MYO5A: variants seen among roughly 807,000 people sequenced by gnomAD.
MYO5A encodes the protein unconventional myosin-Va.
A neutral mutation model predicts 249.7 loss-of-function variants in MYO5A; 98 were observed. That is an observed-to-expected ratio of 0.39 (90% CI 0.33 to 0.46). The LOEUF is 0.46. Among genes scored for constraint, MYO5A ranks in the 20% least tolerant of loss-of-function variants. The pLI is 0.98. For missense variants in MYO5A, 1,696 were observed against 2,308.8 expected (o/e 0.73, Z 5.44); for synonymous variants, 778 against 810.6 (o/e 0.96, Z 0.68).
intron 4 of MYO5A, among the ~76,000 whole-genome samples, chr15:52,416,976 T>C (rs1462793304): frequency 1.3e-5 from 2 of 152,268 alleles, no homozygotes; most frequent in Admixed American, 1.3e-4. Context: ...CCTGTTCCAC[T>C]GCCCACTTGG....
At chr15:52,369,892 T>TA (rs2041015135) in intron 22 of MYO5A, among the ~76,000 whole-genome samples, 1 of 111,674 alleles carries the variant, frequency 9.0e-6, no homozygotes, top group African/African-American at 3.0e-5. Context: ...TTTTTTTTTT[T>TA]AATATACAAG....
At chr15:52,515,662 T>C (rs2077482294) in intron 1 of MYO5A, among the ~76,000 whole-genome samples, 1 of 152,186 alleles carries the variant, frequency 6.6e-6, no homozygotes, top group Non-Finnish European at 1.5e-5. Flanking sequence ...AGGGAGCAGA[T>C]GACAATCGAT....
intron 1 of MYO5A, among the ~76,000 whole-genome samples, chr15:52,507,820 A>AAAAAAAAAAAAAAAAAAAAAT (rs1199181325): frequency 6.6e-6 from 1 of 151,820 alleles, no homozygotes; most frequent in Admixed American, 6.6e-5. Context: ...AAAAAAAAAA[A>AAAAAAAAAAAAAAAAAAAAAT]AGTGTAATAA....
intron 1 of MYO5A, among the ~76,000 whole-genome samples, chr15:52,502,001 T>G (rs67827251): frequency 0.15 from 22,641 of 152,122 alleles, 1,797 homozygotes; most frequent in Middle Eastern, 0.22. Flanking sequence ...TAAATAGTGG[T>G]CAAGATAGTA....
intron 1 of MYO5A, among the ~76,000 whole-genome samples, chr15:52,500,179 G>A (rs2077124099): frequency 6.6e-6 from 1 of 151,798 alleles, no homozygotes; most frequent in Admixed American, 6.6e-5. Context: ...TTCAACATTT[G>A]TATTTTTTTG....
chr15:52,398,021 G>C (rs67438240), intron 9 of MYO5A, among the ~76,000 whole-genome samples: 7,607 of 152,198 alleles, frequency 0.05, 264 homozygotes, highest in East Asian at 0.19. Context: ...GAGGAGAAAA[G>C]GATTTTCCAA....
intron 1 of MYO5A, among the ~76,000 whole-genome samples, chr15:52,485,473 T>C (rs2076801561): frequency 6.6e-6 from 1 of 152,188 alleles, no homozygotes; most frequent in South Asian, 2.1e-4. Context: ...TCTGATTAGA[T>C]CATGAGATAC....
intron 1 of MYO5A, among the ~76,000 whole-genome samples, chr15:52,517,251 C>G (rs1474637172): frequency 6.6e-6 from 1 of 152,184 alleles, no homozygotes; most frequent in Non-Finnish European, 1.5e-5. Flanking sequence ...GACTTGAATT[C>G]TAAAATTAAC....
At chr15:52,438,207 G>T in intron 1 of MYO5A, 1 of 218,442 alleles carries the variant, frequency 4.6e-6, no homozygotes, top group Non-Finnish European at 7.2e-6. Flanking sequence ...CCTCCCCCAG[G>T]CCGCAAAGCA....
At chr15:52,528,637 G>C (rs932777147) in intron 1 of MYO5A, 143 bp downstream of exon 1, 3 of 960,042 alleles carry the variant, frequency 3.1e-6, no homozygotes, top group Non-Finnish European at 4.2e-6. Context: ...CCGGCTGGTA[G>C]GGCCGAGGGT....
chr15:52,472,328 C>A (rs2076491495), intron 1 of MYO5A, among the ~76,000 whole-genome samples: 1 of 152,170 alleles, frequency 6.6e-6, no homozygotes, highest in African/African-American at 2.4e-5. Context: ...ATCGGCCCAC[C>A]TCGGTCTCCT....
chr15:52,375,336 G>T lies in MYO5A; in HGVS notation c.2545C>A (p.Arg849=), dbSNP rs1366254531. The T allele has an allele frequency of 3.7e-6, 6 of 1,614,024 alleles. No homozygotes were observed. The South Asian group carries it at 4.4e-5, about 12-fold the overall frequency. ...AATIVLQSYL[R]GFLARNRYRK... ...TACCTATTTCTGGCCAAGAAGCCTC[G>T]CAAGTAAGACTGAAGAACGATAGTG... Residue 849 remains arginine (R), a synonymous_variant, in exon 20 of 42, where the codon CGA becomes AGA. Transcript: ENST00000399233.
Position 52,416,125 on chromosome 15 carries a change from C to G in MYO5A, c.612+20G>C. On this transcript the variant is annotated intron_variant, in intron 5 of 41. Coordinates refer to ENST00000399233, the MANE Select transcript of MYO5A (RefSeq NM_001382347.1). ...TTATCAAGAGAATATAGGAAGAAAGCCGAAGACTCGCTGTCTTACCTCCAT... is the reference window on the plus strand; with the variant it reads ...TTATCAAGAGAATATAGGAAGAAAGGCGAAGACTCGCTGTCTTACCTCCAT... 2 of 1,613,528 alleles carry G rather than the reference C, an allele frequency of 1.2e-6. No homozygotes were observed. Among genetic ancestry groups the G allele is most frequent in the Non-Finnish European group, 1.7e-6 (2 of 1,179,616 alleles).
intron 22 of MYO5A, 77 bp from the exon 23 acceptor site, chr15:52,367,201 C>G: frequency 7.9e-7 from 1 of 1,264,092 alleles, no homozygotes; most frequent in East Asian, 2.4e-5. Context: ...AGACCATAAG[C>G]AGTCATTCCT....
chr15:52,329,976 T>C (rs199756361), intron 35 of MYO5A, among the ~76,000 whole-genome samples: 1 of 118,932 alleles, frequency 8.4e-6, no homozygotes, highest in African/African-American at 5.7e-5. Flanking sequence ...GCCTTGAGGG[T>C]TTTTTCTTTT....
Position 52,340,333 on chromosome 15 carries a change from G to A in MYO5A, c.4102C>T (p.Arg1368Cys), listed in dbSNP as rs2039319016. The A allele has an allele frequency of 1.9e-6, 3 of 1,613,944 alleles. No individual in the cohort carries two copies. Among genetic ancestry groups the A allele is most frequent in the Non-Finnish European group, 2.5e-6 (3 of 1,180,038 alleles). Residue 1368 changes from arginine to cysteine, a missense_variant, in exon 32 of 42, where the codon CGT becomes TGT. Around this residue, in one of 5 missense-constraint regions of MYO5A, gnomAD observed 625 missense variants for 908.1 expected, o/e 0.69. Transcript: ENST00000399233. Reference sequence around the variant, plus strand: ...TCCTTCAGGCTCTGGATCTCCCCACGGAGGGCCTCGGCCTCATTCTCATGG... The same window carrying A: ...TCCTTCAGGCTCTGGATCTCCCCACAGAGGGCCTCGGCCTCATTCTCATGG... The part of the protein sequence containing the change: ...RSHENEAEAL[R>C]GEIQSLKEEN...
At chr15:52,487,186 T>C (rs1012371862) in intron 1 of MYO5A, among the ~76,000 whole-genome samples, 10 of 151,820 alleles carry the variant, frequency 6.6e-5, no homozygotes, top group Non-Finnish European at 1.5e-4. Flanking sequence ...GAGGCCAGGG[T>C]GGGAGGATCG....
intron 1 of MYO5A, among the ~76,000 whole-genome samples, chr15:52,494,336 G>T (rs1285533156): frequency 6.6e-6 from 1 of 152,098 alleles, no homozygotes; most frequent in Non-Finnish European, 1.5e-5. Context: ...AGATGTACAA[G>T]GGACCAAGGG....
At chr15:52,527,070 A>T (rs1337255981) in intron 1 of MYO5A, among the ~76,000 whole-genome samples, 1 of 152,212 alleles carries the variant, frequency 6.6e-6, no homozygotes, top group African/African-American at 2.4e-5. Flanking sequence ...AAAGTTTATG[A>T]ATTTGTGTTG....
Sources: gnomAD v4.1 joint callset for allele counts (sites outside exome capture counted in the v4.1 genomes callset) on GRCh38, gnomAD v4.1.1 for gene constraint, gnomAD v4.1.1 regional missense constraint, MANE v1.5 for transcripts, NCBI Gene and HGNC (gene_info 2026-07-23, HGNC 2026-07-21) for gene names.